The following PTPRD variants were observed in gnomAD, a reference collection of about 807,000 sequenced individuals.
The protein encoded by PTPRD is receptor-type tyrosine-protein phosphatase delta.
PTPRD carries 34 observed loss-of-function variants against 214.5 expected under a neutral mutation model. The ratio of observed to expected loss-of-function variants is 0.16; its 90% CI spans 0.12 to 0.21. The LOEUF (loss-of-function observed/expected upper bound fraction) is 0.21, where lower values mean the gene tolerates loss of function less well. Among genes scored for constraint, PTPRD ranks in the 10% least tolerant of loss-of-function variants. The pLI is 1.00. For missense variants in PTPRD, 2,545 were observed against 2,398.7 expected, an observed-to-expected ratio of 1.06 and a Z score of -1.27; for synonymous variants, 1,128 against 845.7, an observed-to-expected ratio of 1.33 and a Z score of -5.79.
At chr9:9,935,068 T>A (rs1016687992) in intron 5 of PTPRD, among the ~76,000 whole-genome samples, 3 of 152,104 alleles carry the variant, frequency 2.0e-5, no homozygotes, top group African/African-American at 7.2e-5. Flanking sequence ...ATTGATGGGA[T>A]GTATTTCAAA....
At chr9:8,460,366 T>C (rs1231289169) in intron 33 of PTPRD, 45 bp downstream of exon 33, 4 of 1,605,286 alleles carry the variant, frequency 2.5e-6, no homozygotes, top group Middle Eastern at 1.7e-4. Context: ...TCTTCAAAAA[T>C]AAGGCAGCCT....
chr9:9,064,260 A>T (rs2099718968), intron 10 of PTPRD, among the ~76,000 whole-genome samples: 1 of 152,178 alleles, frequency 6.6e-6, no homozygotes, highest in Non-Finnish European at 1.5e-5. Context: ...TAAAGATACT[A>T]TGTTTAGCAG....
Position 8,502,875 on chromosome 9 carries a change from CAT to C in PTPRD, c.1822+1384_1822+1385del, listed in dbSNP as rs757487365. Among the ~76,000 whole-genome samples, 547 of 149,494 alleles carry C rather than the reference CAT, an allele frequency of 3.7e-3. 6 individuals carry two copies. Among genetic ancestry groups the C allele is most frequent in the African/African-American group, 0.013 (508 of 39,916 alleles). ...ATATATATATATATACACACACACA[CAT>C]ATGTTAAAAACTGAGGTTTGTAAAC... On this transcript the variant is annotated intron_variant, in intron 23 of 45. Coordinates refer to ENST00000381196, the MANE Select transcript of PTPRD (RefSeq NM_002839.4).
chr9:8,888,062 T>G (rs2154234086), intron 11 of PTPRD, among the ~76,000 whole-genome samples: 1 of 152,328 alleles, frequency 6.6e-6, no homozygotes, highest in East Asian at 1.9e-4. Flanking sequence ...AAAGGAAGAA[T>G]AATTACTCTC....
intron 3 of PTPRD, among the ~76,000 whole-genome samples, chr9:10,272,793 G>A (rs1036943537): frequency 6.6e-6 from 1 of 152,166 alleles, no homozygotes; most frequent in Admixed American, 6.5e-5. Flanking sequence ...AAACAGAAAT[G>A]TTTGCCTTTT....
chr9:8,318,487 A>G (rs1823797602), intron 45 of PTPRD, among the ~76,000 whole-genome samples: 1 of 152,208 alleles, frequency 6.6e-6, no homozygotes, highest in East Asian at 1.9e-4. Context: ...AGAATCACTC[A>G]CAGTCATTTC....
chr9:10,031,364 G>A (rs1465946312), intron 4 of PTPRD, among the ~76,000 whole-genome samples: 1 of 151,852 alleles, frequency 6.6e-6, no homozygotes, highest in Non-Finnish European at 1.5e-5. Context: ...GGCTGGGGAA[G>A]GCAGACCCAC....
intron 7 of PTPRD, among the ~76,000 whole-genome samples, chr9:9,593,462 C>T (rs757671500): frequency 5.9e-5 from 9 of 151,848 alleles, no homozygotes; most frequent in Non-Finnish European, 4.4e-5. Flanking sequence ...TGTTGTTGCT[C>T]GGATTTTATA....
chr9:9,092,308 A>G (rs1012541729), intron 10 of PTPRD, among the ~76,000 whole-genome samples: 2 of 152,130 alleles, frequency 1.3e-5, no homozygotes, highest in African/African-American at 4.8e-5. Flanking sequence ...GTATCCTGGT[A>G]CTGATTTCTA....
In PTPRD at chr9:10,315,235, T is replaced by A. The variant is rs577417023; in HGVS notation, c.-545+25728A>T. Among the ~76,000 whole-genome samples, 29 of 152,034 alleles carry A rather than the reference T, an allele frequency of 1.9e-4. 1 individual carries two copies. Among genetic ancestry groups the A allele is most frequent in the Admixed American group, 2.6e-4 (4 of 15,214 alleles). On this transcript the variant is annotated intron_variant, in intron 3 of 45. Transcript: ENST00000381196. ...TTCAGTTTCATCTCTAAAATGTTTG[T>A]TTTTAAAATAAGGTCAATCACAGAT...
At chr9:9,339,754 A>T (rs2046043456) in intron 9 of PTPRD, among the ~76,000 whole-genome samples, 1 of 152,158 alleles carries the variant, frequency 6.6e-6, no homozygotes, top group African/African-American at 2.4e-5. Context: ...AACATTGCTT[A>T]TTACCCTAAA....
chr9:10,571,551 T>C (rs968787046), intron 2 of PTPRD, among the ~76,000 whole-genome samples: 22 of 152,164 alleles, frequency 1.4e-4, no homozygotes, highest in African/African-American at 5.1e-4. Flanking sequence ...TGGAACTGTA[T>C]TGTTTTCTGT....
intron 7 of PTPRD, among the ~76,000 whole-genome samples, chr9:9,658,495 T>A (rs1407482772): frequency 6.6e-6 from 1 of 152,136 alleles, no homozygotes; most frequent in Non-Finnish European, 1.5e-5. Context: ...ATGAATGACA[T>A]GTAGTAGGAG....
At chr9:10,172,984 T>C (rs748156001) in intron 3 of PTPRD, among the ~76,000 whole-genome samples, 2 of 152,228 alleles carry the variant, frequency 1.3e-5, no homozygotes, top group Admixed American at 6.5e-5. Context: ...CACATAAATA[T>C]GACTGGAGTC....
rs1175918440 is a variant in PTPRD at position 8,501,053 on chromosome 9, G to C, written c.1829C>G (p.Ser610Ter). Residue 610 changes from serine (S) to a stop codon, truncating the protein, a stop_gained, in exon 24 of 46, where the codon TCA becomes TGA. Coordinates refer to ENST00000381196, the MANE Select transcript of PTPRD (RefSeq NM_002839.4). LOFTEE classifies it high-confidence loss of function. ...GCAACTAATGTCTTGAGGAGGAGCT[G>C]ACGGCTCTTATTTTGGTAGTGAGTT... ...ISARTMQSKP[S>*]APPQDISCTS... is the part of the protein sequence containing the mutation. 5.6e-6 allele frequency: 9 copies of C among 1,610,724 alleles called. No individual in the cohort carries two copies. Among genetic ancestry groups the C allele is most frequent in the Non-Finnish European group, 7.6e-6 (9 of 1,177,552 alleles).
At chr9:10,112,880 T>C (rs1392222790) in intron 3 of PTPRD, among the ~76,000 whole-genome samples, 2 of 152,238 alleles carry the variant, frequency 1.3e-5, no homozygotes, top group Non-Finnish European at 2.9e-5. Context: ...GTGACTAGTA[T>C]AGACCAGTTC....
At chr9:10,566,492 T>C (rs939027917) in intron 2 of PTPRD, among the ~76,000 whole-genome samples, 4 of 152,054 alleles carry the variant, frequency 2.6e-5, no homozygotes, top group Non-Finnish European at 5.9e-5. Flanking sequence ...TAGATTTTCA[T>C]ATGATAACTG....
At chr9:8,465,710 G>T in intron 31 of PTPRD, 35 bp from the exon 32 acceptor site, 1 of 1,544,418 alleles carries the variant, frequency 6.5e-7, no homozygotes, top group Non-Finnish European at 8.8e-7. Context: ...AAAAAGAACT[G>T]TAAATAATAA....
intron 2 of PTPRD, among the ~76,000 whole-genome samples, chr9:10,381,495 A>T (rs1309401329): frequency 6.6e-6 from 1 of 151,894 alleles, no homozygotes; most frequent in Non-Finnish European, 1.5e-5. Flanking sequence ...GAGATCTTTA[A>T]GCACAGAATT....
Sources: gnomAD v4.1 joint callset for allele counts (sites outside exome capture counted in the v4.1 genomes callset) on GRCh38, gnomAD v4.1.1 for gene constraint, MANE v1.5 for transcripts, NCBI Gene and HGNC (gene_info 2026-07-23, HGNC 2026-07-21) for gene names.